The following BBS12 variants were observed in gnomAD, a reference collection of about 807,000 sequenced individuals.
BBS12 encodes chaperonin-containing T-complex member BBS12.
BBS12 carries 5 observed loss-of-function variants against 5.6 expected under a neutral mutation model. The observed-to-expected ratio is 0.89, with a 90% CI of 0.46 to 1.86. The LOEUF (loss-of-function observed/expected upper bound fraction) is 1.86, where lower values mean the gene tolerates loss of function less well. Ranked by LOEUF, BBS12 falls within the 40% of genes most tolerant of loss-of-function variation. The pLI is 0.01. For missense variants in BBS12, 748 were observed against 830.4 expected, an observed-to-expected ratio of 0.90 and a Z score of 1.22; for synonymous variants, 308 against 306.8, an observed-to-expected ratio of 1.00 and a Z score of -0.04.
At chr4:122,725,273 C>A in the BBS12 span, among the ~76,000 whole-genome samples, 1 of 152,122 alleles carries the variant, frequency 6.6e-6, no homozygotes, top group Non-Finnish European at 1.5e-5. Flanking sequence ...TCCTAAGATT[C>A]ATATGGAACC....
At chr4:122,712,616 G>A in the BBS12 span, among the ~76,000 whole-genome samples, 1 of 152,122 alleles carries the variant, frequency 6.6e-6, no homozygotes, top group Admixed American at 6.5e-5. Flanking sequence ...AAGTGAAAAT[G>A]CAAACGAAAA....
At chr4:122,720,804 A>T in the BBS12 span, among the ~76,000 whole-genome samples, 1 of 152,022 alleles carries the variant, frequency 6.6e-6, no homozygotes, top group Non-Finnish European at 1.5e-5. Flanking sequence ...ATGTAAAATA[A>T]AATTATGAAG....
chr4:122,743,190 T>C lies in BBS12; in HGVS notation c.1298T>C (p.Val433Ala). Residue 433 changes from valine to alanine, a missense_variant, in exon 2 of 2, where the codon GTA (valine) becomes GCA (alanine). Physicochemically the swap from Val to Ala is moderately conservative, Grantham distance 64. Transcript: ENST00000314218. ...IEKCINSKRL[V>A]IGSVNGSVMQ... is the part of the protein sequence containing the mutation. Reference sequence around the variant, plus strand: ...AAATGTATAAACAGTAAGCGGTTGGTAATCGGCTCAGTGAATGGCAGTGTG... The same window carrying C: ...AAATGTATAAACAGTAAGCGGTTGGCAATCGGCTCAGTGAATGGCAGTGTG... 1 of 1,614,186 alleles carries C rather than the reference T, an allele frequency of 6.2e-7. No individual in the cohort carries two copies. The highest frequency in any genetic ancestry group is 8.5e-7 in the Non-Finnish European group (1 of 1,180,034).
chr4:122,731,635 T>C (rs889462561), upstream of BBS12: 3 of 152,254 alleles, frequency 2.0e-5, no homozygotes, highest in African/African-American at 4.8e-5. Flanking sequence ...GCTACCATTT[T>C]TTAAATTTCT....
At chr4:122,707,631 C>G in the BBS12 span, among the ~76,000 whole-genome samples, 1 of 152,180 alleles carries the variant, frequency 6.6e-6, no homozygotes, top group East Asian at 1.9e-4. Context: ...TGGCTCAGGG[C>G]TAACTGCCAC....
chr4:122,702,087 A>G, the BBS12 span, among the ~76,000 whole-genome samples: 2 of 151,982 alleles, frequency 1.3e-5, no homozygotes, highest in African/African-American at 4.8e-5. Flanking sequence ...GAAACAATAT[A>G]TTTTTTTTAA....
Position 122,742,574 on chromosome 4 carries a change from C to CT in BBS12, c.682_683insT (p.Gln228LeufsTer8), listed in dbSNP as rs770872200. On this transcript the variant is annotated frameshift_variant, in exon 2 of 2. Coordinates refer to ENST00000314218, the MANE Select transcript of BBS12 (RefSeq NM_152618.3). LOFTEE classifies it low-confidence loss of function (END_TRUNC). ...CCTGCTTGCAGATACCTGCTGCAGACAGTCAATACTAATCCACAGTAGGCA... is the reference window on the plus strand; with the variant it reads ...CCTGCTTGCAGATACCTGCTGCAGACTAGTCAATACTAATCCACAGTAGGCA... The CT allele has an allele frequency of 1.9e-6, 3 of 1,614,108 alleles. No individual in the cohort carries two copies. The highest frequency in any genetic ancestry group is 2.5e-6 in the Non-Finnish European group (3 of 1,180,046).
At chr4:122,706,316 G>A in the BBS12 span, among the ~76,000 whole-genome samples, 164 of 152,242 alleles carry the variant, frequency 1.1e-3, no homozygotes, top group Non-Finnish European at 2.1e-3. Context: ...TCAGGCCTAA[G>A]ACGAATTCTC....
chr4:122,716,706 CAT>C, the BBS12 span, among the ~76,000 whole-genome samples: 5,270 of 61,502 alleles, frequency 0.086, 806 homozygotes, highest in African/African-American at 0.1. Context: ...TGTGTGTATA[CAT>C]ACACATATGT....
At chr4:122,735,415 G>T (rs555011903) in intron 1 of BBS12, among the ~76,000 whole-genome samples, 35 of 152,260 alleles carry the variant, frequency 2.3e-4, no homozygotes, top group African/African-American at 7.0e-4. Flanking sequence ...TCTTTTTTAA[G>T]ATAAATAGAT....
intron 1 of BBS12, among the ~76,000 whole-genome samples, chr4:122,736,521 T>C (rs554911151): frequency 6.6e-6 from 1 of 152,248 alleles, no homozygotes; most frequent in South Asian, 2.1e-4. Flanking sequence ...AAAAAAAACT[T>C]ATTCTGATGT....
chr4:122,710,216 G>A, the BBS12 span, among the ~76,000 whole-genome samples: 2 of 152,132 alleles, frequency 1.3e-5, no homozygotes, highest in African/African-American at 4.8e-5. Flanking sequence ...GATTTTTCAT[G>A]CCAAAGGCGA....
chr4:122,728,435 A>G (rs1444763524), upstream of BBS12: 1 of 152,234 alleles, frequency 6.6e-6, no homozygotes, highest in Non-Finnish European at 1.5e-5. Context: ...TGAAAAAACT[A>G]TTCTGTATAC....
chr4:122,703,327 T>G, the BBS12 span, among the ~76,000 whole-genome samples: 1 of 149,448 alleles, frequency 6.7e-6, no homozygotes, highest in Non-Finnish European at 1.5e-5. Context: ...CTCTGCCTCG[T>G]AATCCTGATT....
chr4:122,736,590 G>A (rs1282852091), intron 1 of BBS12, among the ~76,000 whole-genome samples: 1 of 152,030 alleles, frequency 6.6e-6, no homozygotes, highest in African/African-American at 2.4e-5. Flanking sequence ...GAAACTCAAA[G>A]AAACATTAAG....
At chr4:122,727,049 C>T in the BBS12 span, among the ~76,000 whole-genome samples, 1 of 151,972 alleles carries the variant, frequency 6.6e-6, no homozygotes, top group Non-Finnish European at 1.5e-5. Flanking sequence ...AAAGAACTTA[C>T]TCATATAACC....
the BBS12 span, among the ~76,000 whole-genome samples, chr4:122,722,883 G>C: frequency 2.0e-5 from 3 of 151,960 alleles, no homozygotes; most frequent in African/African-American, 7.3e-5. Flanking sequence ...TCAGTACAAT[G>C]TTGAATAAAG....
At chr4:122,736,371 C>T (rs969771567) in intron 1 of BBS12, among the ~76,000 whole-genome samples, 1 of 152,030 alleles carries the variant, frequency 6.6e-6, no homozygotes, top group African/African-American at 2.4e-5. Context: ...GATGAGCAAA[C>T]AGTTGATTTA....
At chr4:122,727,544 A>ATTTTTTTTT in the BBS12 span, among the ~76,000 whole-genome samples, 89 of 82,292 alleles carry the variant, frequency 1.1e-3, 20 homozygotes, top group African/African-American at 4.5e-3. Flanking sequence ...CCCCTGGCCA[A>ATTTTTTTTT]TTTTTTTTTT....
Sources: allele counts gnomAD v4.1 joint callset (sites outside exome capture counted in the v4.1 genomes callset), GRCh38; gene constraint gnomAD v4.1.1; transcripts MANE v1.5; gene names NCBI Gene and HGNC (gene_info 2026-07-23, HGNC 2026-07-21).